EXOC6B: variants seen among roughly 807,000 people sequenced by gnomAD.
EXOC6B encodes SEC15 homolog B.
EXOC6B carries 54 observed loss-of-function variants against 113.5 expected under a neutral mutation model. The observed-to-expected ratio is 0.48, with a 90% CI of 0.38 to 0.60. EXOC6B has a LOEUF of 0.60. EXOC6B is among the 20% of genes least tolerant of loss of function. EXOC6B has a pLI of 0.00. For synonymous variants in EXOC6B, 357 were observed against 339.0 expected (o/e 1.05, Z -0.58); for missense variants, 797 against 977.5 (o/e 0.82, Z 2.46).
At position 72,177,883 on chromosome 2, in the gene EXOC6B, C is replaced by T. The variant is rs1572946702; in HGVS notation, c.*1452G>A. The T allele has an allele frequency of 2.0e-5, 3 of 152,154 alleles. No homozygotes were observed. The highest frequency in any genetic ancestry group is 7.2e-5 in the African/African-American group (3 of 41,444). The allele number at this position is 152,154 out of a possible 1,614,324, so 9.4% of individuals were successfully genotyped here. A position where few individuals can be genotyped will look rare whatever the true frequency, so the allele number is the denominator to read the frequency against. On this transcript the variant is annotated 3_prime_UTR_variant, in exon 22 of 22. Transcript: ENST00000272427. ...TGCACAATTATACTCTTGCCACTAGCCATCTTTCTGCTACTAGCCAGTAGC... is the reference window on the plus strand; with the variant it reads ...TGCACAATTATACTCTTGCCACTAGTCATCTTTCTGCTACTAGCCAGTAGC...
chr2:72,350,331 T>C (rs1039839366), intron 19 of EXOC6B, among the ~76,000 whole-genome samples: 2 of 152,198 alleles, frequency 1.3e-5, no homozygotes, highest in Non-Finnish European at 2.9e-5. Flanking sequence ...GTTCTAGGAT[T>C]CGTTGATAAC....
chr2:72,336,490 A>G (rs1164654981), intron 19 of EXOC6B, among the ~76,000 whole-genome samples: 1 of 145,668 alleles, frequency 6.9e-6, no homozygotes, highest in Non-Finnish European at 1.5e-5. Context: ...ATTTAAAGCA[A>G]TTTATTAAAC....
chr2:72,383,762 A>G (rs1573003643), intron 18 of EXOC6B, among the ~76,000 whole-genome samples: 1 of 152,132 alleles, frequency 6.6e-6, no homozygotes, highest in East Asian at 1.9e-4. Flanking sequence ...GCCCATCAAC[A>G]GTAGACTGAA....
At position 72,698,844 on chromosome 2, in the gene EXOC6B, A is replaced by G. The variant is rs1026816092; in HGVS notation, c.669+19259T>C. Among the ~76,000 whole-genome samples, 4 of 152,344 alleles carry G rather than the reference A, an allele frequency of 2.6e-5. No homozygotes were observed. In the East Asian group the frequency reaches 7.7e-4, roughly 29 times the overall value. On this transcript the variant is annotated intron_variant, in intron 6 of 21. Transcript: ENST00000272427. ...CCATTTTCACTAATGGTATAAAATT[A>G]AACTGAGATGCTTACAATTTTATTC...
intron 20 of EXOC6B, among the ~76,000 whole-genome samples, chr2:72,238,324 T>C (rs147441249): frequency 1.3e-5 from 2 of 152,384 alleles, no homozygotes; most frequent in African/African-American, 2.4e-5. Flanking sequence ...CCATTTGGAT[T>C]ATTTTCATTT....
intron 6 of EXOC6B, among the ~76,000 whole-genome samples, chr2:72,671,953 C>T (rs1334923512): frequency 1.3e-5 from 2 of 151,858 alleles, no homozygotes; most frequent in African/African-American, 4.8e-5. Flanking sequence ...AAAGGCTCAA[C>T]ATCACTAATC....
intron 20 of EXOC6B, among the ~76,000 whole-genome samples, chr2:72,198,765 C>T (rs1679318716): frequency 6.6e-6 from 1 of 152,216 alleles, no homozygotes; most frequent in African/African-American, 2.4e-5. Flanking sequence ...CAATACATCT[C>T]TGAGTTCTTT....
intron 20 of EXOC6B, among the ~76,000 whole-genome samples, chr2:72,308,561 A>G (rs7595180): frequency 0.37 from 56,700 of 152,112 alleles, 16,777 homozygotes; most frequent in African/African-American, 0.83. Flanking sequence ...GGTGTTGGGA[A>G]ATTTAAGTGA....
Position 72,243,525 on chromosome 2 carries a change from T to C in EXOC6B, c.2197-59338A>G, listed in dbSNP as rs368006589. ...ACCAAACACCCCATGTTCTCACTCA[T>C]AGGTGGGAATGGAACAATGAGAACA... is the stretch of plus-strand genomic sequence containing the variant. On this transcript the variant is annotated intron_variant, in intron 20 of 21. Transcript: ENST00000272427. Among the ~76,000 whole-genome samples the C allele has an allele frequency of 3.2e-4, 48 of 152,200 alleles. 1 individual carries two copies. The highest frequency in any genetic ancestry group is 2.5e-3 in the Admixed American group (39 of 15,300).
intron 15 of EXOC6B, among the ~76,000 whole-genome samples, chr2:72,495,162 A>G (rs1461941587): frequency 6.6e-6 from 1 of 152,024 alleles, no homozygotes; most frequent in Non-Finnish European, 1.5e-5. Context: ...CCAGCCTACC[A>G]TTTTCTAGTA....
At chr2:72,514,601 AATAAAT>A (rs746841688) in intron 10 of EXOC6B, 27 bp downstream of exon 10, 445 of 84,898 alleles carry the variant, frequency 5.2e-3, no homozygotes, top group African/African-American at 9.1e-3. Flanking sequence ...TAAATAAATA[AATAAAT>A]ATATATATAT....
chr2:72,532,242 C>T (rs771519858), intron 8 of EXOC6B, among the ~76,000 whole-genome samples: 9 of 152,050 alleles, frequency 5.9e-5, no homozygotes, highest in Non-Finnish European at 1.3e-4. Context: ...GGCCTCTAAA[C>T]ACTAGAAAAA....
chr2:72,566,617 C>A (rs149899384), intron 7 of EXOC6B, among the ~76,000 whole-genome samples: 1 of 152,054 alleles, frequency 6.6e-6, no homozygotes, highest in East Asian at 1.9e-4. Context: ...TTTTCCAAAG[C>A]GACTCTATCA....
At chr2:72,704,037 C>A (rs1414227039) in intron 6 of EXOC6B, among the ~76,000 whole-genome samples, 1 of 151,270 alleles carries the variant, frequency 6.6e-6, no homozygotes, top group Non-Finnish European at 1.5e-5. Context: ...TTTTTCAGCA[C>A]CACACCACAC....
intron 6 of EXOC6B, among the ~76,000 whole-genome samples, chr2:72,593,490 A>G (rs1157865250): frequency 2.0e-5 from 3 of 152,192 alleles, no homozygotes; most frequent in African/African-American, 7.2e-5. Context: ...TTCAGAGCGA[A>G]TTATAGAATT....
At chr2:72,647,740 A>G in intron 6 of EXOC6B, among the ~76,000 whole-genome samples, 1 of 152,256 alleles carries the variant, frequency 6.6e-6, no homozygotes. Context: ...TAGAAAGCTG[A>G]AACTGGATCC....
intron 8 of EXOC6B, among the ~76,000 whole-genome samples, chr2:72,539,941 T>G: frequency 1.1e-5 from 1 of 90,918 alleles, no homozygotes; most frequent in Non-Finnish European, 2.1e-5. Context: ...ATGCTATCCC[T>G]CCCCCCTCCC....
intron 8 of EXOC6B, among the ~76,000 whole-genome samples, chr2:72,543,538 T>TC (rs1407934952): frequency 5.3e-5 from 8 of 152,098 alleles, no homozygotes; most frequent in Non-Finnish European, 1.5e-5. Flanking sequence ...AAACACACAC[T>TC]CTCTCTTTTT....
chr2:72,628,080 T>G (rs1672169753), intron 6 of EXOC6B, among the ~76,000 whole-genome samples: 1 of 152,072 alleles, frequency 6.6e-6, no homozygotes, highest in Non-Finnish European at 1.5e-5. Flanking sequence ...TTATAAGAAG[T>G]TTTTATAGAG....
Sources: gnomAD v4.1 joint callset for allele counts (sites outside exome capture counted in the v4.1 genomes callset) on GRCh38, gnomAD v4.1.1 for gene constraint, MANE v1.5 for transcripts, NCBI Gene and HGNC (gene_info 2026-07-23, HGNC 2026-07-21) for gene names.